HYCC2: variants seen among roughly 807,000 people sequenced by gnomAD.
HYCC2 encodes the protein hyccin 2.
chr2:201,017,828 G>C, the HYCC2 span, among the ~76,000 whole-genome samples: 1 of 152,134 alleles, frequency 6.6e-6, no homozygotes, highest in African/African-American at 2.4e-5. Context: ...TGTGGAATCA[G>C]TTTTCATTGT....
the HYCC2 span, chr2:200,992,945 G>A: frequency 1.9e-6 from 3 of 1,613,716 alleles, no homozygotes; most frequent in South Asian, 2.2e-5. Context: ...AATACTATTC[G>A]ACCACAGAGT....
chr2:201,070,034 A>G, the HYCC2 span, among the ~76,000 whole-genome samples: 3 of 152,110 alleles, frequency 2.0e-5, no homozygotes, highest in African/African-American at 7.2e-5. Flanking sequence ...TATTTCAAAC[A>G]CCTTACATTT....
the HYCC2 span, chr2:200,996,980 G>A: frequency 1.3e-5 from 2 of 152,336 alleles, no homozygotes; most frequent in African/African-American, 4.8e-5. Context: ...AAGAATGCAC[G>A]AGGCCAGGCA....
At chr2:201,014,637 G>A in the HYCC2 span, among the ~76,000 whole-genome samples, 1 of 152,172 alleles carries the variant, frequency 6.6e-6, no homozygotes, top group Admixed American at 6.5e-5. Context: ...TAAAGCCCTT[G>A]CTCCTTCCTT....
chr2:201,001,547 C>T, the HYCC2 span, among the ~76,000 whole-genome samples: 1 of 152,248 alleles, frequency 6.6e-6, no homozygotes, highest in African/African-American at 2.4e-5. Flanking sequence ...AGAAACAAAC[C>T]TTGTAAACAT....
chr2:201,036,442 A>C, the HYCC2 span, among the ~76,000 whole-genome samples: 6 of 152,226 alleles, frequency 3.9e-5, no homozygotes, highest in African/African-American at 1.4e-4. Context: ...CACAACAAAA[A>C]AAGAAAATTT....
the HYCC2 span, among the ~76,000 whole-genome samples, chr2:201,028,897 G>C: frequency 1.3e-5 from 2 of 152,168 alleles, no homozygotes; most frequent in East Asian, 3.8e-4. Context: ...TCAGGACATA[G>C]GCATGGGCAA....
the HYCC2 span, among the ~76,000 whole-genome samples, chr2:200,982,108 T>A: frequency 6.6e-6 from 1 of 151,946 alleles, no homozygotes; most frequent in Non-Finnish European, 1.5e-5. Flanking sequence ...TCCACAAACA[T>A]ATCTAGTATA....
chr2:201,043,003 G>A, the HYCC2 span, among the ~76,000 whole-genome samples: 2 of 152,140 alleles, frequency 1.3e-5, no homozygotes, highest in African/African-American at 4.8e-5. Context: ...AGGGGGAAAT[G>A]TGGGGAAAAG....
the HYCC2 span, among the ~76,000 whole-genome samples, chr2:201,044,148 A>G: frequency 6.6e-6 from 1 of 152,256 alleles, no homozygotes; most frequent in Non-Finnish European, 1.5e-5. Context: ...ATGCAGCTTA[A>G]TTCAGATCCA....
the HYCC2 span, chr2:201,024,068 A>T: frequency 1.0e-5 from 13 of 1,275,758 alleles, no homozygotes; most frequent in Admixed American, 3.4e-5. Context: ...GAAGCTGAGG[A>T]CAGTAGTACT....
chr2:201,048,892 G>A, the HYCC2 span, among the ~76,000 whole-genome samples: 1 of 151,968 alleles, frequency 6.6e-6, no homozygotes, highest in Non-Finnish European at 1.5e-5. Flanking sequence ...ATTTTGGGAG[G>A]CTTGAGCTCA....
At chr2:201,053,153 G>T in the HYCC2 span, among the ~76,000 whole-genome samples, 2 of 150,838 alleles carry the variant, frequency 1.3e-5, no homozygotes, top group African/African-American at 2.4e-5. Context: ...ACGGAATTTC[G>T]CTCTTGTCAA....
At chr2:201,027,112 TA>T in the HYCC2 span, among the ~76,000 whole-genome samples, 15 of 151,818 alleles carry the variant, frequency 9.9e-5, 1 homozygote, top group African/African-American at 3.6e-4. Flanking sequence ...ATAGATGCAA[TA>T]AAAAATGATA....
chr2:201,069,027 A>G, the HYCC2 span, among the ~76,000 whole-genome samples: 7 of 152,328 alleles, frequency 4.6e-5, no homozygotes, highest in South Asian at 6.2e-4. Flanking sequence ...AAAAAAAAAG[A>G]ACAATACAAA....
chr2:201,069,125 T>C, the HYCC2 span, among the ~76,000 whole-genome samples: 1 of 152,192 alleles, frequency 6.6e-6, no homozygotes, highest in African/African-American at 2.4e-5. Flanking sequence ...TAAGACTCAG[T>C]CAAGCTGAAA....
the HYCC2 span, among the ~76,000 whole-genome samples, chr2:201,069,752 T>A: frequency 6.6e-6 from 1 of 152,064 alleles, no homozygotes; most frequent in Non-Finnish European, 1.5e-5. Context: ...ACACCAAACA[T>A]CAATAAAAAT....
the HYCC2 span, among the ~76,000 whole-genome samples, chr2:201,035,168 G>T: frequency 6.6e-6 from 1 of 152,184 alleles, no homozygotes; most frequent in Non-Finnish European, 1.5e-5. Flanking sequence ...GATTGGGGAA[G>T]TTCTCCTGGA....
chr2:201,012,185 T>C, the HYCC2 span, among the ~76,000 whole-genome samples: 1 of 152,030 alleles, frequency 6.6e-6, no homozygotes, highest in Non-Finnish European at 1.5e-5. Flanking sequence ...TTGGGCCAGG[T>C]GTGGTGGCTG....
Sources: gnomAD v4.1 joint callset for allele counts (sites outside exome capture counted in the v4.1 genomes callset) on GRCh38, gnomAD v4.1.1 for gene constraint, MANE v1.5 for transcripts, NCBI Gene and HGNC (gene_info 2026-07-23, HGNC 2026-07-21) for gene names.